The following STAC variants were observed in gnomAD, a reference collection of about 807,000 sequenced individuals.
STAC encodes the protein SH3 and cysteine rich domain.
A neutral mutation model predicts 48.8 loss-of-function variants in STAC; 43 were observed. The observed-to-expected ratio is 0.88, with a 90% CI of 0.69 to 1.14. The LOEUF (loss-of-function observed/expected upper bound fraction) is 1.14. Ranked by LOEUF, STAC falls within the 50% of genes most tolerant of loss-of-function variation. The pLI is 0.00. For synonymous variants in STAC, 193 were observed against 179.5 expected (o/e 1.07, Z -0.60); for missense variants, 497 against 504.0 (o/e 0.99, Z 0.13).
At chr3:36,451,045 T>C (rs1241618611) in intron 2 of STAC, among the ~76,000 whole-genome samples, 3 of 152,202 alleles carry the variant, frequency 2.0e-5, no homozygotes, top group East Asian at 1.9e-4. Context: ...CAGAAGAGGA[T>C]TTGCATTTCT....
At chr3:36,457,215 T>G (rs550093219) in intron 2 of STAC, among the ~76,000 whole-genome samples, 1 of 152,144 alleles carries the variant, frequency 6.6e-6, no homozygotes, top group Non-Finnish European at 1.5e-5. Flanking sequence ...ACTCAAAATA[T>G]AGACCTGCAA....
rs888477164 is a variant in STAC at position 36,528,692 on chromosome 3, T to G, written c.921-4T>G. 3 of 1,593,602 alleles carry G rather than the reference T, an allele frequency of 1.9e-6. No homozygotes were observed. The highest frequency in any genetic ancestry group is 2.6e-6 in the Non-Finnish European group (3 of 1,172,242). ...TTACCTAACTCATTCATTCTTCATTTTAGGCCAGGAGACATAATTACTCTT... is the reference window on the plus strand; with the variant it reads ...TTACCTAACTCATTCATTCTTCATTGTAGGCCAGGAGACATAATTACTCTT... On this transcript the variant is annotated splice_region_variant and splice_polypyrimidine_tract_variant and intron_variant, in intron 8 of 10. Transcript: ENST00000273183.
chr3:36,501,564 G>C (rs2125711505), intron 6 of STAC, among the ~76,000 whole-genome samples: 1 of 152,162 alleles, frequency 6.6e-6, no homozygotes, highest in Non-Finnish European at 1.5e-5. Flanking sequence ...TATAAAGATA[G>C]ATATCAACGA....
At chr3:36,483,205 A>G in intron 3 of STAC, 113 bp downstream of exon 3, 1 of 726,726 alleles carries the variant, frequency 1.4e-6, no homozygotes, top group Non-Finnish European at 2.3e-6. Context: ...AAAGCACCCC[A>G]GAACTGGCTG....
At chr3:36,451,925 A>C (rs1241017771) in intron 2 of STAC, among the ~76,000 whole-genome samples, 2 of 152,226 alleles carry the variant, frequency 1.3e-5, no homozygotes, top group Non-Finnish European at 1.5e-5. Flanking sequence ...TTGTTTAGCT[A>C]ATGAGTCTCT....
chr3:36,440,263 G>C (rs762693330), intron 1 of STAC, among the ~76,000 whole-genome samples: 1 of 152,200 alleles, frequency 6.6e-6, no homozygotes, highest in South Asian at 2.1e-4. Context: ...GAACAGCATT[G>C]TACCAGTTAT....
At chr3:36,432,602 C>T (rs56187934) in intron 1 of STAC, among the ~76,000 whole-genome samples, 3,541 of 151,818 alleles carry the variant, frequency 0.023, 61 homozygotes, top group East Asian at 0.026. Flanking sequence ...CTCGGGAGGC[C>T]GAGGCAGGGC....
At chr3:36,401,689 A>G (rs901646769) in intron 1 of STAC, among the ~76,000 whole-genome samples, 1 of 152,150 alleles carries the variant, frequency 6.6e-6, no homozygotes, top group African/African-American at 2.4e-5. Flanking sequence ...CAGATATATA[A>G]TTTGCGGGGC....
chr3:36,399,934 T>C (rs1003382301), intron 1 of STAC, among the ~76,000 whole-genome samples: 9 of 152,160 alleles, frequency 5.9e-5, no homozygotes, highest in African/African-American at 1.9e-4. Flanking sequence ...GAGGCACTCA[T>C]GTGCAAGTGC....
At chr3:36,398,086 T>C (rs772845744) in intron 1 of STAC, among the ~76,000 whole-genome samples, 2 of 152,150 alleles carry the variant, frequency 1.3e-5, no homozygotes, top group Admixed American at 6.5e-5. Flanking sequence ...CATAGCCTGG[T>C]TGGACAGCTA....
At chr3:36,493,545 G>A (rs1698052440) in intron 6 of STAC, among the ~76,000 whole-genome samples, 1 of 149,756 alleles carries the variant, frequency 6.7e-6, no homozygotes, top group African/African-American at 2.4e-5. Flanking sequence ...AGAACTTTTT[G>A]TGAATACGTC....
At chr3:36,418,219 C>G (rs1295678862) in intron 1 of STAC, among the ~76,000 whole-genome samples, 3 of 152,074 alleles carry the variant, frequency 2.0e-5, no homozygotes, top group Non-Finnish European at 2.9e-5. Context: ...CTTGCTTCAT[C>G]AATATGCACT....
At chr3:36,460,117 G>C (rs994264512) in intron 2 of STAC, among the ~76,000 whole-genome samples, 1 of 152,022 alleles carries the variant, frequency 6.6e-6, no homozygotes, top group African/African-American at 2.4e-5. Flanking sequence ...AAGGAAAGAA[G>C]AGGGAATCTG....
rs1698619582 is a variant in STAC, at chr3:36,514,408, T to C, written c.920+8574T>C. Reference sequence around the variant, plus strand: ...AGATCTCAGGTCAAATTTCATTTCCTTGTTGCAGCCTTTCCTGTTACCCTA... The same window carrying C: ...AGATCTCAGGTCAAATTTCATTTCCCTGTTGCAGCCTTTCCTGTTACCCTA... On this transcript the variant is annotated intron_variant, in intron 8 of 10. Coordinates refer to ENST00000273183, the MANE Select transcript of STAC (RefSeq NM_003149.3). Among the ~76,000 whole-genome samples, 2 of 151,902 alleles carry C rather than the reference T, an allele frequency of 1.3e-5. 1 individual carries two copies. The highest frequency in any genetic ancestry group is 4.8e-5 in the African/African-American group (2 of 41,390).
At chr3:36,390,737 T>C (rs577623559) in intron 1 of STAC, among the ~76,000 whole-genome samples, 1 of 152,292 alleles carries the variant, frequency 6.6e-6, no homozygotes, top group South Asian at 2.1e-4. Flanking sequence ...TGTCCATGAA[T>C]GTTTTTATTT....
In STAC at chr3:36,528,912, A is replaced by C. The variant is rs1203170424; in HGVS notation, c.1037A>C (p.Glu346Ala). The change falls in exon 10 of 11, where the codon GAG becomes GCG. Residue 346 changes from glutamate (E) to alanine (A), a missense_variant. Coordinates refer to ENST00000273183, the MANE Select transcript of STAC (RefSeq NM_003149.3). ...TTTGTTCAGAGACTACAACAAAATGAGAAGATTTTTAGATGTGTTAGAACC... is the reference window on the plus strand; with the variant it reads ...TTTGTTCAGAGACTACAACAAAATGCGAAGATTTTTAGATGTGTTAGAACC... The part of the protein sequence containing the change: ...ANFVQRLQQN[E>A]KIFRCVRTFI... The C allele has an allele frequency of 6.2e-7, 1 of 1,613,832 alleles. No individual in the cohort carries two copies.
intron 1 of STAC, among the ~76,000 whole-genome samples, chr3:36,410,996 A>G (rs891419374): frequency 1.2e-4 from 19 of 152,188 alleles, no homozygotes; most frequent in African/African-American, 3.9e-4. Context: ...CAACTGCCCA[A>G]TATCTATCCC....
intron 10 of STAC, among the ~76,000 whole-genome samples, chr3:36,537,299 C>T (rs1699221153): frequency 2.0e-5 from 3 of 152,120 alleles, no homozygotes; most frequent in Admixed American, 2.0e-4. Flanking sequence ...AACCCAAATG[C>T]CCATCAATGA....
At chr3:36,415,721 G>A (rs778826481) in intron 1 of STAC, among the ~76,000 whole-genome samples, 2 of 152,188 alleles carry the variant, frequency 1.3e-5, no homozygotes, top group Non-Finnish European at 2.9e-5. Flanking sequence ...GTTGGGAGCT[G>A]TAGATTGGAG....
Sources: allele counts gnomAD v4.1 joint callset (sites outside exome capture counted in the v4.1 genomes callset), GRCh38; gene constraint gnomAD v4.1.1; transcripts MANE v1.5; gene names NCBI Gene and HGNC (gene_info 2026-07-23, HGNC 2026-07-21).